Variants in COLEC10 observed in about 807,000 individuals in gnomAD.
The protein encoded by COLEC10 is collectin-10.
COLEC10 carries 22 observed loss-of-function variants against 28.4 expected under a neutral mutation model. The ratio of observed to expected loss-of-function variants is 0.78; its 90% CI spans 0.55 to 1.11. The LOEUF is 1.11. Ranked by LOEUF, COLEC10 falls within the 50% of genes least tolerant of loss-of-function variation. The pLI, the probability that COLEC10 is intolerant of heterozygous loss-of-function variation, is 0.00. For synonymous variants in COLEC10, 125 were observed against 116.1 expected, an observed-to-expected ratio of 1.08 and a Z score of -0.49; for missense variants, 361 against 344.1, an observed-to-expected ratio of 1.05 and a Z score of -0.39.
intron 2 of COLEC10, among the ~76,000 whole-genome samples, chr8:119,050,577 T>C (rs994206452): frequency 6.6e-6 from 1 of 152,248 alleles, no homozygotes; most frequent in Non-Finnish European, 1.5e-5. Context: ...CTTGGTAATT[T>C]ATTCTACTTT....
At chr8:118,998,763 C>T (rs1350534969) in intron 1 of COLEC10, among the ~76,000 whole-genome samples, 5 of 143,822 alleles carry the variant, frequency 3.5e-5, no homozygotes, top group East Asian at 2.1e-4. Flanking sequence ...AGGAGAAGAG[C>T]GTGAACCCGG....
At chr8:118,961,970 A>G in the COLEC10 span, among the ~76,000 whole-genome samples, 1 of 152,190 alleles carries the variant, frequency 6.6e-6, no homozygotes, top group South Asian at 2.1e-4. Flanking sequence ...ATGTTCTCCA[A>G]GGCCTACTTG....
intron 1 of COLEC10, among the ~76,000 whole-genome samples, chr8:119,000,568 C>G (rs1008873522): frequency 2.6e-5 from 4 of 151,978 alleles, no homozygotes; most frequent in Admixed American, 2.6e-4. Flanking sequence ...AGTGATTATA[C>G]ATCTGAACAT....
At chr8:119,021,220 G>A (rs1050188669) in intron 2 of COLEC10, among the ~76,000 whole-genome samples, 19 of 152,100 alleles carry the variant, frequency 1.2e-4, no homozygotes, top group Non-Finnish European at 2.9e-5. Context: ...ATTATTTTGT[G>A]GAAAGGCAGA....
At chr8:118,960,319 C>T in the COLEC10 span, among the ~76,000 whole-genome samples, 8 of 152,106 alleles carry the variant, frequency 5.3e-5, no homozygotes, top group South Asian at 2.1e-4. Flanking sequence ...TATTGTTTTA[C>T]GGGCAGTAGA....
intron 3 of COLEC10, among the ~76,000 whole-genome samples, chr8:119,097,667 T>C (rs186654848): frequency 6.6e-6 from 1 of 152,094 alleles, no homozygotes; most frequent in African/African-American, 2.4e-5. Flanking sequence ...TGTCCCTATC[T>C]GTATCAACTT....
chr8:119,069,505 TC>T (rs1481815504), intron 1 of COLEC10, among the ~76,000 whole-genome samples: 1 of 146,526 alleles, frequency 6.8e-6, no homozygotes, highest in Non-Finnish European at 1.5e-5. Context: ...TACTTGGACG[TC>T]TGAGGCAGGA....
At chr8:119,064,380 T>A (rs1298043622), upstream of COLEC10, among the ~76,000 whole-genome samples, 1 of 152,222 alleles carries the variant, frequency 6.6e-6, no homozygotes, top group Non-Finnish European at 1.5e-5. Flanking sequence ...AATTTCTATA[T>A]ATAAATGCAA....
chr8:119,070,497 CTCTCTCTCTCTCCCCCCTCCT>C, intron 1 of COLEC10, among the ~76,000 whole-genome samples: 2 of 96,996 alleles, frequency 2.1e-5, no homozygotes, highest in East Asian at 3.5e-4. Flanking sequence ...CCTTCCCTCC[CTCTCTCTCTCTCCCCCCTCCT>C]TCCCTCCCTC....
chr8:119,014,517 T>C (rs1813954716), intron 2 of COLEC10, among the ~76,000 whole-genome samples: 1 of 150,676 alleles, frequency 6.6e-6, no homozygotes, highest in Admixed American at 6.6e-5. Context: ...TTGTCTGAAG[T>C]TTGAATACAA....
Position 119,043,254 on chromosome 8 carries a change from C to T in COLEC10, n.235+33701C>T, listed in dbSNP as rs2130159141. ...ATTCACACCTCTAAAGTTACATGGG[C>T]TATGTAACTCTCTTTTATTGCCCAG... On this transcript the variant is annotated intron_variant and non_coding_transcript_variant, in intron 2 of 6. Transcript: ENST00000521788. 1.3e-5 allele frequency among the ~76,000 whole-genome samples: 2 copies of T among 152,266 alleles called. 1 individual carries two copies. The highest frequency in any genetic ancestry group is 4.1e-4 in the South Asian group (2 of 4,828).
chr8:118,979,561 C>T, the COLEC10 span, among the ~76,000 whole-genome samples: 7 of 151,628 alleles, frequency 4.6e-5, no homozygotes, highest in East Asian at 1.4e-3. Flanking sequence ...TGTTTGTAAA[C>T]ATAAAACTAA....
In COLEC10 at chr8:119,009,243, T is replaced by C. The variant is rs547308417; in HGVS notation, n.123-198T>C. Among the ~76,000 whole-genome samples the C allele has an allele frequency of 4.6e-5, 7 of 151,158 alleles. No homozygotes were observed. The East Asian group carries it at 1.4e-3, about 29-fold the overall frequency. On this transcript the variant is annotated intron_variant and non_coding_transcript_variant, in intron 1 of 6. Coordinates refer to the COLEC10 transcript ENST00000521788. Reference sequence around the variant, plus strand: ...GAGCTTTGCTATGGTTGGAATGTGGTGTGTTTCCACCAACACTTATGTTGA... The same window carrying C: ...GAGCTTTGCTATGGTTGGAATGTGGCGTGTTTCCACCAACACTTATGTTGA...
At chr8:119,069,629 A>AAAATATATATAT (rs1554627284) in intron 1 of COLEC10, among the ~76,000 whole-genome samples, 1 of 42,874 alleles carries the variant, frequency 2.3e-5, no homozygotes, top group Non-Finnish European at 4.4e-5. Context: ...AAAAAAAAAA[A>AAAATATATATAT]ATATATATAT....
chr8:119,062,566 G>GC (rs971828896), upstream of COLEC10, among the ~76,000 whole-genome samples: 3 of 151,286 alleles, frequency 2.0e-5, no homozygotes, highest in Non-Finnish European at 4.4e-5. Context: ...TGCGACCTCC[G>GC]CCCCCCGGGT....
chr8:119,019,785 A>G (rs923552316), intron 2 of COLEC10, among the ~76,000 whole-genome samples: 1 of 152,212 alleles, frequency 6.6e-6, no homozygotes, highest in African/African-American at 2.4e-5. Flanking sequence ...ATGTACACCC[A>G]GTATCAAGCA....
chr8:118,979,833 C>G, the COLEC10 span, among the ~76,000 whole-genome samples: 2 of 152,094 alleles, frequency 1.3e-5, no homozygotes, highest in African/African-American at 2.4e-5. Context: ...GACAGCCAGA[C>G]CATACCATCA....
the COLEC10 span, among the ~76,000 whole-genome samples, chr8:118,974,387 T>C: frequency 6.6e-6 from 1 of 152,076 alleles, no homozygotes; most frequent in East Asian, 1.9e-4. Context: ...CTAATAATTA[T>C]ACTGTAATCA....
chr8:119,099,086 T>C (rs1343784895), intron 3 of COLEC10, among the ~76,000 whole-genome samples: 3 of 152,082 alleles, frequency 2.0e-5, no homozygotes, highest in Admixed American at 2.0e-4. Flanking sequence ...AATAAATGTT[T>C]TTATTTAAGG....
Sources: gnomAD v4.1 joint callset for allele counts (sites outside exome capture counted in the v4.1 genomes callset) on GRCh38, gnomAD v4.1.1 for gene constraint, MANE v1.5 for transcripts, NCBI Gene and HGNC (gene_info 2026-07-23, HGNC 2026-07-21) for gene names.